Variants in SEMA5A observed in about 807,000 individuals in gnomAD.
SEMA5A encodes the protein semaphorin-5A.
SEMA5A carries 55 observed loss-of-function variants against 135.5 expected under a neutral mutation model. That is an observed-to-expected ratio of 0.41 (90% CI 0.33 to 0.51). The LOEUF is 0.51. SEMA5A is among the 20% of genes least tolerant of loss of function. The probability of loss-of-function intolerance (pLI) is 0.37; values close to 1 mark genes in which losing one functional copy is unlikely to be tolerated. For missense variants in SEMA5A, 1,290 were observed against 1,419.9 expected (o/e 0.91, Z 1.47); for synonymous variants, 580 against 546.5 (o/e 1.06, Z -0.85).
intron 5 of SEMA5A, among the ~76,000 whole-genome samples, chr5:9,278,113 TAA>T (rs58789253): frequency 0.37 from 53,435 of 143,194 alleles, 10,127 homozygotes; most frequent in East Asian, 0.48. Flanking sequence ...CATGTAAACT[TAA>T]AAAAAAAAAA....
At chr5:9,490,934 A>G (rs1442009994) in intron 1 of SEMA5A, among the ~76,000 whole-genome samples, 1 of 152,188 alleles carries the variant, frequency 6.6e-6, no homozygotes, top group Non-Finnish European at 1.5e-5. Context: ...TTCTAGATAT[A>G]CAAAGCAGTT....
At chr5:9,058,033 C>T (rs929460910) in intron 18 of SEMA5A, among the ~76,000 whole-genome samples, 3 of 152,110 alleles carry the variant, frequency 2.0e-5, no homozygotes, top group African/African-American at 7.2e-5. Context: ...TAGAAAGTTG[C>T]AGGGCCAAGA....
chr5:9,316,048 G>A (rs553025767), intron 5 of SEMA5A, among the ~76,000 whole-genome samples: 68 of 152,006 alleles, frequency 4.5e-4, no homozygotes, highest in Non-Finnish European at 6.9e-4. Flanking sequence ...TCATTAGTTG[G>A]CATTTGTTTA....
chr5:9,222,559 G>T (rs1364135620), intron 8 of SEMA5A, among the ~76,000 whole-genome samples: 1 of 152,170 alleles, frequency 6.6e-6, no homozygotes, highest in Non-Finnish European at 1.5e-5. Context: ...TGCCCTTGTG[G>T]CCTGAGTGGT....
At chr5:9,087,029 TC>T (rs66521315) in intron 16 of SEMA5A, among the ~76,000 whole-genome samples, 2,801 of 152,284 alleles carry the variant, frequency 0.018, 67 homozygotes, top group African/African-American at 0.062. Flanking sequence ...TCTCTCTACT[TC>T]CATCTGTGTG....
At chr5:9,205,615 T>G (rs1579610816) in intron 8 of SEMA5A, among the ~76,000 whole-genome samples, 1 of 152,290 alleles carries the variant, frequency 6.6e-6, no homozygotes, top group East Asian at 1.9e-4. Flanking sequence ...TGAACCAATG[T>G]TATAAGATCA....
chr5:9,205,094 A>G (rs1483381510), intron 8 of SEMA5A, among the ~76,000 whole-genome samples: 1 of 152,170 alleles, frequency 6.6e-6, no homozygotes, highest in Non-Finnish European at 1.5e-5. Context: ...AAAAATAAAT[A>G]GTGCTTGCAA....
At chr5:9,140,550 C>G (rs1742010636) in intron 12 of SEMA5A, among the ~76,000 whole-genome samples, 1 of 152,144 alleles carries the variant, frequency 6.6e-6, no homozygotes, top group Non-Finnish European at 1.5e-5. Flanking sequence ...CCTTCTGCTC[C>G]CTGCTGTGAC....
intron 13 of SEMA5A, among the ~76,000 whole-genome samples, chr5:9,127,868 A>T (rs772135521): frequency 1.6e-4 from 25 of 152,190 alleles, no homozygotes; most frequent in Non-Finnish European, 3.1e-4. Flanking sequence ...TCCTAAACTC[A>T]TAATGATATA....
At chr5:9,379,147 T>C (rs194266) in intron 3 of SEMA5A, among the ~76,000 whole-genome samples, 35,008 of 152,142 alleles carry the variant, frequency 0.23, 4,364 homozygotes, top group Middle Eastern at 0.29. Context: ...AACAACAAAA[T>C]ATAAAACCAC....
Position 9,036,143 on chromosome 5 carries a change from T to C in SEMA5A, c.*6754A>G, listed in dbSNP as rs1201712729. 4 of 152,166 alleles carry C rather than the reference T, an allele frequency of 2.6e-5. No homozygotes were observed. Among genetic ancestry groups the C allele is most frequent in the African/African-American group, 9.6e-5 (4 of 41,452 alleles). The allele number at this position is 152,166 out of a possible 1,614,324, so 9.4% of individuals were successfully genotyped here. A position where few individuals can be genotyped will look rare whatever the true frequency, so the allele number is the denominator to read the frequency against. ...CAACATTGGACCAAAAGTTTGTGCA[T>C]TTTCTTGCAGATGATGTAGAATCTC... On this transcript the variant is annotated 3_prime_UTR_variant, in exon 23 of 23. Coordinates refer to ENST00000382496, the MANE Select transcript of SEMA5A (RefSeq NM_003966.3).
At chr5:9,507,528 G>A (rs1016634259) in intron 1 of SEMA5A, among the ~76,000 whole-genome samples, 2 of 152,120 alleles carry the variant, frequency 1.3e-5, no homozygotes, top group African/African-American at 4.8e-5. Context: ...GTACTCCTGA[G>A]GTCTTTCCTT....
At chr5:9,314,192 A>G (rs995002453) in intron 5 of SEMA5A, among the ~76,000 whole-genome samples, 2 of 152,190 alleles carry the variant, frequency 1.3e-5, no homozygotes, top group Non-Finnish European at 2.9e-5. Flanking sequence ...TTTGTGGTAG[A>G]AAACCATCTT....
At chr5:9,161,117 T>C in intron 11 of SEMA5A, among the ~76,000 whole-genome samples, 1 of 123,494 alleles carries the variant, frequency 8.1e-6, no homozygotes, top group East Asian at 2.3e-4. Context: ...GAGAAATGTG[T>C]TTTTTAGTGG....
intron 3 of SEMA5A, among the ~76,000 whole-genome samples, chr5:9,344,929 C>G (rs1376049715): frequency 6.6e-6 from 1 of 152,100 alleles, no homozygotes; most frequent in Non-Finnish European, 1.5e-5. Context: ...ACCACCTGCC[C>G]AAGGCTATGC....
At chr5:9,317,623 A>C (rs6882802) in intron 5 of SEMA5A, among the ~76,000 whole-genome samples, 48,458 of 152,148 alleles carry the variant, frequency 0.32, 10,650 homozygotes, top group African/African-American at 0.63. Flanking sequence ...ATCACCTCTT[A>C]GAGCTCTAGC....
chr5:9,487,481 G>T (rs902348407), intron 1 of SEMA5A, among the ~76,000 whole-genome samples: 3 of 152,152 alleles, frequency 2.0e-5, no homozygotes, highest in Admixed American at 2.0e-4. Flanking sequence ...CAGGCGTCAA[G>T]GCTGAAGGGT....
chr5:9,237,705 A>T, intron 6 of SEMA5A, 123 bp downstream of exon 6: 1 of 750,008 alleles, frequency 1.3e-6, no homozygotes, highest in Non-Finnish European at 2.1e-6. Context: ...ACATATTTTG[A>T]ATCTTGCTTT....
intron 3 of SEMA5A, among the ~76,000 whole-genome samples, chr5:9,351,831 T>G (rs896574786): frequency 1.3e-5 from 2 of 152,210 alleles, no homozygotes; most frequent in Non-Finnish European, 2.9e-5. Context: ...CAATCAAATC[T>G]CAAGTCTCAA....
Sources: gnomAD v4.1 joint callset for allele counts (sites outside exome capture counted in the v4.1 genomes callset) on GRCh38, gnomAD v4.1.1 for gene constraint, MANE v1.5 for transcripts, NCBI Gene and HGNC (gene_info 2026-07-23, HGNC 2026-07-21) for gene names.